The following NRG1 variants were observed in gnomAD, a reference collection of about 807,000 sequenced individuals.
NRG1 encodes pro-neuregulin-1, membrane-bound isoform.
NRG1 carries 18 observed loss-of-function variants against 63.8 expected under a neutral mutation model. The ratio of observed to expected loss-of-function variants is 0.28; its 90% CI spans 0.19 to 0.42. The LOEUF (loss-of-function observed/expected upper bound fraction) is 0.42, where lower values mean the gene tolerates loss of function less well. Among genes scored for constraint, NRG1 ranks in the 10% least tolerant of loss-of-function variants. The pLI is 1.00. For synonymous variants in NRG1, 302 were observed against 301.3 expected (o/e 1.00, Z -0.02); for missense variants, 762 against 814.7 (o/e 0.94, Z 0.79).
intron 1 of NRG1, among the ~76,000 whole-genome samples, chr8:32,417,929 A>G (rs1816158121): frequency 6.6e-6 from 1 of 152,110 alleles, no homozygotes; most frequent in South Asian, 2.1e-4. Context: ...CTTATTTTTT[A>G]TGCACCTTTT....
At chr8:31,983,329 T>A (rs1435988444) in intron 1 of NRG1, among the ~76,000 whole-genome samples, 1 of 152,048 alleles carries the variant, frequency 6.6e-6, no homozygotes, top group African/African-American at 2.4e-5. Context: ...ATGGTAAAAG[T>A]GCAGTCCATG....
At chr8:31,976,303 A>G (rs1808163064) in intron 1 of NRG1, among the ~76,000 whole-genome samples, 1 of 152,090 alleles carries the variant, frequency 6.6e-6, no homozygotes, top group Non-Finnish European at 1.5e-5. Flanking sequence ...TTCCCCTACT[A>G]TCTACCTTAA....
chr8:32,004,122 A>C (rs2129738296), intron 1 of NRG1, among the ~76,000 whole-genome samples: 1 of 152,082 alleles, frequency 6.6e-6, no homozygotes, highest in South Asian at 2.1e-4. Context: ...AAGTGGCAGA[A>C]GCCAGTCTGA....
intron 1 of NRG1, among the ~76,000 whole-genome samples, chr8:31,873,916 TCTC>T (rs1250759686): frequency 2.6e-5 from 4 of 152,080 alleles, no homozygotes; most frequent in African/African-American, 9.7e-5. Context: ...AAAGTCTTGC[TCTC>T]TTCTTAAGTT....
chr8:32,740,924 C>G (rs748787325), intron 6 of NRG1, among the ~76,000 whole-genome samples: 27 of 152,224 alleles, frequency 1.8e-4, no homozygotes, highest in South Asian at 1.7e-3. Context: ...TGGATAGGCT[C>G]TTTGCTTGAT....
chr8:31,954,695 G>A (rs1422565694), intron 1 of NRG1, among the ~76,000 whole-genome samples: 1 of 152,106 alleles, frequency 6.6e-6, no homozygotes, highest in Non-Finnish European at 1.5e-5. Flanking sequence ...AGTGAAGATT[G>A]CTTCTCTCTT....
At chr8:32,241,345 C>T (rs1310387740) in intron 1 of NRG1, among the ~76,000 whole-genome samples, 4 of 152,184 alleles carry the variant, frequency 2.6e-5, no homozygotes, top group Admixed American at 2.6e-4. Context: ...ATATTTACAA[C>T]TCTTTATTTG....
At chr8:32,320,992 T>C (rs1341209690) in intron 1 of NRG1, among the ~76,000 whole-genome samples, 1 of 152,180 alleles carries the variant, frequency 6.6e-6, no homozygotes, top group Non-Finnish European at 1.5e-5. Context: ...ATATATTTTA[T>C]GGTGGTGAGG....
intron 1 of NRG1, among the ~76,000 whole-genome samples, chr8:31,958,313 T>C (rs327399): frequency 0.13 from 20,442 of 152,138 alleles, 3,974 homozygotes; most frequent in African/African-American, 0.43. Flanking sequence ...GAAGAAAGCC[T>C]TACATGACAA....
At position 32,163,711 on chromosome 8, in the gene NRG1, T is replaced by C. The variant is rs573171785; in HGVS notation, c.38-432117T>C. ...AACTACTCCTTCTTAATTTACTCGC[T>C]CTGCCCAGGAAGAAAACAGACATAA... is the stretch of plus-strand genomic sequence containing the variant. On this transcript the variant is annotated intron_variant, in intron 1 of 10. Coordinates refer to the NRG1 transcript ENST00000519301. Among the ~76,000 whole-genome samples the C allele has an allele frequency of 2.0e-5, 3 of 152,324 alleles. No individual in the cohort carries two copies. The South Asian group carries it at 6.2e-4, about 32-fold the overall frequency.
chr8:32,107,918 A>G (rs1831487538), intron 1 of NRG1, among the ~76,000 whole-genome samples: 1 of 152,200 alleles, frequency 6.6e-6, no homozygotes, highest in African/African-American at 2.4e-5. Context: ...TATGAAAGGA[A>G]TGATCCTTCA....
chr8:32,312,922 G>A (rs1271077427), intron 1 of NRG1, among the ~76,000 whole-genome samples: 1 of 152,206 alleles, frequency 6.6e-6, no homozygotes, highest in Non-Finnish European at 1.5e-5. Flanking sequence ...GGGAGGCAGA[G>A]GTGGGCAGTT....
chr8:31,897,342 A>G (rs1831655655), intron 1 of NRG1, among the ~76,000 whole-genome samples: 1 of 152,154 alleles, frequency 6.6e-6, no homozygotes, highest in Non-Finnish European at 1.5e-5. Flanking sequence ...GTTTATAGCA[A>G]TAAGATACCA....
At chr8:32,257,166 A>C (rs1274763783) in intron 1 of NRG1, among the ~76,000 whole-genome samples, 1 of 152,178 alleles carries the variant, frequency 6.6e-6, no homozygotes, top group Non-Finnish European at 1.5e-5. Context: ...GGTGGACTTC[A>C]GACTGCTATG....
At chr8:31,855,499 T>C (rs1276142016) in intron 1 of NRG1, among the ~76,000 whole-genome samples, 1 of 152,196 alleles carries the variant, frequency 6.6e-6, no homozygotes, top group East Asian at 1.9e-4. Context: ...TTTGAGCCTA[T>C]GTGTGTCTCT....
Position 32,042,466 on chromosome 8 carries a change from A to G in NRG1, c.37+403035A>G, listed in dbSNP as rs539838612. ...AAAATTAAAAAAAACAAAAAACAAG[A>G]CTTAGAGTCTCATAATATTCAGTAA... On this transcript the variant is annotated intron_variant, in intron 1 of 10. Coordinates refer to the NRG1 transcript ENST00000519301. Among the ~76,000 whole-genome samples the G allele has an allele frequency of 5.3e-5, 8 of 151,888 alleles. No individual in the cohort carries two copies. The South Asian group carries it at 1.2e-3, about 24-fold the overall frequency.
At chr8:32,279,500 G>A (rs10110247) in intron 1 of NRG1, among the ~76,000 whole-genome samples, 29,316 of 151,988 alleles carry the variant, frequency 0.19, 3,016 homozygotes, top group African/African-American at 0.26. Context: ...TTACAGGCAC[G>A]TGCCACCACA....
chr8:32,351,561 C>T (rs976592566), intron 1 of NRG1, among the ~76,000 whole-genome samples: 2 of 152,150 alleles, frequency 1.3e-5, no homozygotes, highest in Non-Finnish European at 2.9e-5. Flanking sequence ...GCCCTCTTTA[C>T]TTCCTACAGT....
chr8:32,171,618 G>C (rs578020891), intron 1 of NRG1, among the ~76,000 whole-genome samples: 25 of 152,232 alleles, frequency 1.6e-4, no homozygotes, highest in Middle Eastern at 3.4e-3. Flanking sequence ...GGTGACAGAC[G>C]GCACCTGGAA....
Sources: gnomAD v4.1 joint callset for allele counts (sites outside exome capture counted in the v4.1 genomes callset) on GRCh38, gnomAD v4.1.1 for gene constraint, MANE v1.5 for transcripts, NCBI Gene and HGNC (gene_info 2026-07-23, HGNC 2026-07-21) for gene names.